Variants in PITPNC1 observed in about 807,000 individuals in gnomAD.
PITPNC1 encodes cytoplasmic phosphatidylinositol transfer protein 1.
PITPNC1 carries 18 observed loss-of-function variants against 44.7 expected under a neutral mutation model. That is an observed-to-expected ratio of 0.40 (90% CI 0.28 to 0.60). The LOEUF (loss-of-function observed/expected upper bound fraction) is 0.60. PITPNC1 is among the 20% of genes least tolerant of loss of function. The probability of loss-of-function intolerance (pLI) is 0.39; values close to 1 mark genes in which losing one functional copy is unlikely to be tolerated. For missense variants in PITPNC1, 290 were observed against 418.4 expected (o/e 0.69, Z 2.68); for synonymous variants, 141 against 149.6 (o/e 0.94, Z 0.42).
At chr17:67,405,742 A>G (rs568330954) in intron 1 of PITPNC1, among the ~76,000 whole-genome samples, 2 of 151,100 alleles carry the variant, frequency 1.3e-5, no homozygotes, top group East Asian at 4.0e-4. Context: ...AGTAGCTGGG[A>G]TTACAGGCAT....
At chr17:67,387,197 TG>T in intron 1 of PITPNC1, among the ~76,000 whole-genome samples, 1 of 152,206 alleles carries the variant, frequency 6.6e-6, no homozygotes, top group Non-Finnish European at 1.5e-5. Flanking sequence ...TAGAGCAGTG[TG>T]ATGGCCTGCA....
At chr17:67,528,035 AGTTT>A (rs1033758415) in intron 1 of PITPNC1, among the ~76,000 whole-genome samples, 2 of 151,930 alleles carry the variant, frequency 1.3e-5, no homozygotes, top group Non-Finnish European at 2.9e-5. Flanking sequence ...TTATTTACTT[AGTTT>A]GTTTTTGTTT....
At chr17:67,413,111 T>C (rs764065253) in intron 1 of PITPNC1, among the ~76,000 whole-genome samples, 9 of 152,202 alleles carry the variant, frequency 5.9e-5, no homozygotes, top group Non-Finnish European at 2.9e-5. Context: ...TGAAACCAAA[T>C]TGGAGGTTAG....
chr17:67,664,048 C>T (rs958074378), intron 6 of PITPNC1, among the ~76,000 whole-genome samples: 2 of 152,130 alleles, frequency 1.3e-5, no homozygotes, highest in Non-Finnish European at 2.9e-5. Flanking sequence ...CTGCAACCTC[C>T]ACCTCCTGGA....
At chr17:67,634,515 C>A (rs977032475) in intron 6 of PITPNC1, among the ~76,000 whole-genome samples, 1 of 151,978 alleles carries the variant, frequency 6.6e-6, no homozygotes, top group Non-Finnish European at 1.5e-5. Context: ...GAGATCACAA[C>A]AGAGTGAGAA....
intron 6 of PITPNC1, among the ~76,000 whole-genome samples, chr17:67,646,634 C>T (rs2042152923): frequency 6.6e-6 from 1 of 152,158 alleles, no homozygotes; most frequent in African/African-American, 2.4e-5. Context: ...AGCGATCCTC[C>T]TACCACAGCC....
In PITPNC1 at chr17:67,695,809, G is replaced by A. The variant is rs913191210; in HGVS notation, c.*2921G>A. 3 of 152,210 alleles carry A rather than the reference G, an allele frequency of 2.0e-5. No individual in the cohort carries two copies. The highest frequency in any genetic ancestry group is 7.2e-5 in the African/African-American group (3 of 41,540). The allele number at this position is 152,210 out of a possible 1,614,324, so 9.4% of individuals were successfully genotyped here. On this transcript the variant is annotated 3_prime_UTR_variant, in exon 9 of 9. Transcript: ENST00000581322. ...ACTCTGGGAAGATTTCAAATGTGAA[G>A]TGCCCCTGTGCATTTTCTTGGCCAT...
chr17:67,389,931 G>A lies in PITPNC1; in HGVS notation c.48+11729G>A, dbSNP rs536274806. ...CCTGACCTCGTGATCCACCCACCTC[G>A]GCCTCCCAAAGTGCTGGGATTACAG... On this transcript the variant is annotated intron_variant, in intron 1 of 8. Transcript: ENST00000581322. 4.6e-5 allele frequency among the ~76,000 whole-genome samples: 7 copies of A among 152,110 alleles called. No homozygotes were observed. The South Asian group carries it at 1.2e-3, about 27-fold the overall frequency.
intron 1 of PITPNC1, among the ~76,000 whole-genome samples, chr17:67,399,106 C>T (rs1443678617): frequency 6.6e-6 from 1 of 151,070 alleles, no homozygotes; most frequent in African/African-American, 2.4e-5. Flanking sequence ...CTTCCGCCTC[C>T]TGGGTTCAAG....
intron 1 of PITPNC1, among the ~76,000 whole-genome samples, chr17:67,527,665 C>A (rs1349819302): frequency 2.6e-5 from 4 of 152,054 alleles, no homozygotes; most frequent in African/African-American, 9.6e-5. Flanking sequence ...CTCGCCACTG[C>A]ACTCCAGCCT....
intron 8 of PITPNC1, among the ~76,000 whole-genome samples, chr17:67,678,469 G>C (rs923497394): frequency 6.6e-5 from 10 of 152,210 alleles, no homozygotes; most frequent in African/African-American, 2.4e-4. Flanking sequence ...ACTCCCCAGA[G>C]TGGGTCTCCC....
chr17:67,454,614 T>C (rs1353191389), intron 1 of PITPNC1, among the ~76,000 whole-genome samples: 1 of 152,160 alleles, frequency 6.6e-6, no homozygotes, highest in Non-Finnish European at 1.5e-5. Flanking sequence ...TATTGCCGTT[T>C]ACTTTAGAAA....
At chr17:67,682,477 A>G (rs952761188) in intron 8 of PITPNC1, among the ~76,000 whole-genome samples, 15 of 152,110 alleles carry the variant, frequency 9.9e-5, no homozygotes, top group African/African-American at 3.4e-4. Context: ...CCCTGAGATA[A>G]GAGTCTGGGA....
chr17:67,688,930 C>T (rs925355048), intron 8 of PITPNC1, among the ~76,000 whole-genome samples: 2 of 152,198 alleles, frequency 1.3e-5, no homozygotes, highest in African/African-American at 2.4e-5. Context: ...TGGCTGGGTG[C>T]GGTGGCTCAC....
At chr17:67,529,486 A>G (rs546749958) in intron 1 of PITPNC1, among the ~76,000 whole-genome samples, 1 of 152,210 alleles carries the variant, frequency 6.6e-6, no homozygotes, top group Admixed American at 6.5e-5. Flanking sequence ...CATAAAATCA[A>G]CCAGGTTAAA....
intron 5 of PITPNC1, among the ~76,000 whole-genome samples, chr17:67,595,674 A>T (rs2041451242): frequency 6.6e-6 from 1 of 152,152 alleles, no homozygotes; most frequent in Non-Finnish European, 1.5e-5. Flanking sequence ...ATCTTCTGAG[A>T]CTGATGGCGA....
chr17:67,504,325 TAAACA>T (rs1400285428), intron 1 of PITPNC1, among the ~76,000 whole-genome samples: 8 of 152,204 alleles, frequency 5.3e-5, no homozygotes, highest in African/African-American at 1.9e-4. Context: ...CAACACTGTG[TAAACA>T]AAACACACAA....
chr17:67,456,347 A>G (rs1234049544), intron 1 of PITPNC1, among the ~76,000 whole-genome samples: 2 of 152,228 alleles, frequency 1.3e-5, no homozygotes, highest in East Asian at 3.8e-4. Flanking sequence ...TAAGAAAAAA[A>G]TCTCGAGTCT....
intron 1 of PITPNC1, among the ~76,000 whole-genome samples, chr17:67,387,403 C>T (rs765158237): frequency 1.3e-5 from 2 of 152,198 alleles, no homozygotes; most frequent in Non-Finnish European, 2.9e-5. Context: ...CAGCGGCTCA[C>T]GCCTGTAATC....
Sources: allele counts gnomAD v4.1 joint callset (sites outside exome capture counted in the v4.1 genomes callset), GRCh38; gene constraint gnomAD v4.1.1; transcripts MANE v1.5; gene names NCBI Gene and HGNC (gene_info 2026-07-23, HGNC 2026-07-21).